SHISA9: variants seen among roughly 807,000 people sequenced by gnomAD.
SHISA9 encodes the protein protein shisa-9.
SHISA9 carries 13 observed loss-of-function variants against 38.0 expected under a neutral mutation model. The ratio of observed to expected loss-of-function variants is 0.34; its 90% confidence interval spans 0.22 to 0.54. The LOEUF is 0.54. SHISA9 is among the 20% of genes least tolerant of loss of function. The pLI is 0.91. For missense variants in SHISA9, 538 were observed against 575.8 expected, an observed-to-expected ratio of 0.93 and a Z score of 0.67; for synonymous variants, 275 against 242.0, an observed-to-expected ratio of 1.14 and a Z score of -1.27.
chr16:13,315,503 C>G, the SHISA9 span, among the ~76,000 whole-genome samples: 2 of 152,156 alleles, frequency 1.3e-5, no homozygotes, highest in Non-Finnish European at 2.9e-5. Context: ...AGGGATTTCT[C>G]TCAGGTTGGG....
chr16:13,398,155 C>T, the SHISA9 span, among the ~76,000 whole-genome samples: 1 of 152,148 alleles, frequency 6.6e-6, no homozygotes, highest in African/African-American at 2.4e-5. Context: ...TTTATATTCA[C>T]AGGATGGGGG....
chr16:13,057,833 GAT>G (rs1208826581), intron 2 of SHISA9, among the ~76,000 whole-genome samples: 8 of 152,030 alleles, frequency 5.3e-5, no homozygotes, highest in Admixed American at 5.2e-4. Context: ...CCCATTGTGT[GAT>G]ATTCCCCTCC....
chr16:13,153,633 C>A (rs1485283449), intron 2 of SHISA9, among the ~76,000 whole-genome samples: 4 of 152,182 alleles, frequency 2.6e-5, no homozygotes, highest in African/African-American at 9.7e-5. Context: ...GTACCAATTT[C>A]ATCCCAGTAC....
rs1340843325 is a variant in SHISA9 at position 12,902,060 on chromosome 16, A to G, written c.-5A>G. On this transcript the variant is annotated 5_prime_UTR_variant, in exon 1 of 5. Coordinates refer to ENST00000558583, the MANE Select transcript of SHISA9 (RefSeq NM_001145204.3). ...CGAGCGGCCGAGCCCGGGCTGGGAG[A>G]CACCATGCGCCGCGTCCTTCGGCTG... The G allele has an allele frequency of 1.4e-6, 2 of 1,480,248 alleles. No individual in the cohort carries two copies. Among genetic ancestry groups the G allele is most frequent in the East Asian group, 2.9e-5 (1 of 34,340 alleles). 91.7% of individuals were successfully genotyped at this position (1,480,248 alleles called of 1,614,324 possible). A position where few individuals can be genotyped will look rare whatever the true frequency, so the allele number is the denominator to read the frequency against.
At chr16:13,269,643 C>A in the SHISA9 span, among the ~76,000 whole-genome samples, 2 of 152,144 alleles carry the variant, frequency 1.3e-5, no homozygotes, top group South Asian at 4.1e-4. Flanking sequence ...AAAAATAGCG[C>A]CTTTCAGCTA....
chr16:12,966,895 C>A (rs943612947), intron 2 of SHISA9, among the ~76,000 whole-genome samples: 1 of 152,206 alleles, frequency 6.6e-6, no homozygotes, highest in Non-Finnish European at 1.5e-5. Flanking sequence ...GCTGTCCAGA[C>A]AATCTCTTGA....
the SHISA9 span, among the ~76,000 whole-genome samples, chr16:13,549,070 G>T: frequency 3.9e-5 from 6 of 152,288 alleles, no homozygotes; most frequent in Middle Eastern, 3.4e-3. Flanking sequence ...GCAGCAATGT[G>T]GATGAATCTG....
At position 13,027,927 on chromosome 16, in the gene SHISA9, C is replaced by CAAAAA. The variant is rs201210384; in HGVS notation, c.691+111113_691+111117dup. Among the ~76,000 whole-genome samples the CAAAAA allele has an allele frequency of 1.6e-3, 47 of 29,356 alleles. 5 individuals are homozygous for CAAAAA. The highest frequency in any genetic ancestry group is 1.9e-3 in the Non-Finnish European group (30 of 16,198). The allele number at this position is 29,356 out of a possible 152,430, so 19.3% of individuals were successfully genotyped here. A position where few individuals can be genotyped will look rare whatever the true frequency, so the allele number is the denominator to read the frequency against. On this transcript the variant is annotated intron_variant, in intron 2 of 4. Coordinates refer to ENST00000558583, the MANE Select transcript of SHISA9 (RefSeq NM_001145204.3). The stretch of plus-strand genomic sequence containing the variant: ...GGGTGACTAGAGTGAAGCTCTGTCT[C>CAAAAA]AAAAACAAAAAAAAAAAAAAAAAAA...
chr16:13,399,812 C>T, the SHISA9 span, among the ~76,000 whole-genome samples: 1 of 152,182 alleles, frequency 6.6e-6, no homozygotes, highest in Non-Finnish European at 1.5e-5. Context: ...TGAGAATCTG[C>T]ATTTCTCATA....
intron 2 of SHISA9, among the ~76,000 whole-genome samples, chr16:13,177,220 C>A (rs2050738977): frequency 6.6e-6 from 1 of 152,306 alleles, no homozygotes; most frequent in East Asian, 1.9e-4. Context: ...CACTTAATTG[C>A]TCTCTGATCT....
At chr16:13,167,218 A>G (rs1340068729) in intron 2 of SHISA9, among the ~76,000 whole-genome samples, 2 of 151,670 alleles carry the variant, frequency 1.3e-5, no homozygotes, top group Non-Finnish European at 2.9e-5. Flanking sequence ...GATTACAGGC[A>G]TGCACCGCCA....
At chr16:13,407,966 T>G in the SHISA9 span, among the ~76,000 whole-genome samples, 1 of 152,198 alleles carries the variant, frequency 6.6e-6, no homozygotes, top group Non-Finnish European at 1.5e-5. Context: ...GATAGATGTC[T>G]TATTATATGA....
At chr16:13,030,718 A>G (rs2072980627) in intron 2 of SHISA9, among the ~76,000 whole-genome samples, 1 of 152,234 alleles carries the variant, frequency 6.6e-6, no homozygotes, top group African/African-American at 2.4e-5. Context: ...ACTAACGGGC[A>G]GCTCTTTAAG....
At chr16:13,173,254 C>A (rs1235716250) in intron 2 of SHISA9, among the ~76,000 whole-genome samples, 2 of 150,070 alleles carry the variant, frequency 1.3e-5, no homozygotes, top group Non-Finnish European at 3.0e-5. Context: ...GTTAACAATG[C>A]AATATAAACA....
At chr16:13,266,941 C>A in the SHISA9 span, among the ~76,000 whole-genome samples, 1 of 152,142 alleles carries the variant, frequency 6.6e-6, no homozygotes, top group South Asian at 2.1e-4. Context: ...AAAAAGAAAA[C>A]CTATGCCTTC....
At chr16:13,029,458 A>G (rs1252596169) in intron 2 of SHISA9, among the ~76,000 whole-genome samples, 2 of 152,204 alleles carry the variant, frequency 1.3e-5, no homozygotes, top group African/African-American at 2.4e-5. Context: ...AATACAAAAA[A>G]TTAACTGGAC....
chr16:13,287,787 A>G, the SHISA9 span, among the ~76,000 whole-genome samples: 1 of 152,224 alleles, frequency 6.6e-6, no homozygotes, highest in Non-Finnish European at 1.5e-5. Context: ...CTGAACAATG[A>G]TAGTCACTTT....
chr16:13,179,424 A>G (rs1484160569), intron 2 of SHISA9, among the ~76,000 whole-genome samples: 1 of 152,216 alleles, frequency 6.6e-6, no homozygotes, highest in African/African-American at 2.4e-5. Context: ...TGTCCTCACA[A>G]CACCATTAAA....
the SHISA9 span, among the ~76,000 whole-genome samples, chr16:13,427,750 A>G: frequency 6.6e-6 from 1 of 152,222 alleles, no homozygotes; most frequent in Admixed American, 6.5e-5. Flanking sequence ...GCAACAGACA[A>G]CAGGTTTTAT....
Sources: gnomAD v4.1 joint callset for allele counts (sites outside exome capture counted in the v4.1 genomes callset) on GRCh38, gnomAD v4.1.1 for gene constraint, MANE v1.5 for transcripts, NCBI Gene and HGNC (gene_info 2026-07-23, HGNC 2026-07-21) for gene names.